The following NRG3 variants were observed in gnomAD, a reference collection of about 807,000 sequenced individuals.
NRG3 encodes neuregulin 3, also known as pro-neuregulin-3, membrane-bound isoform.
NRG3 carries 31 observed loss-of-function variants against 66.9 expected under a neutral mutation model. The observed-to-expected ratio is 0.46, with a 90% CI of 0.35 to 0.63. The LOEUF is 0.63. Among genes scored for constraint, NRG3 ranks in the 20% least tolerant of loss-of-function variants. The pLI is 0.00. For synonymous variants in NRG3, 393 were observed against 359.4 expected (o/e 1.09, Z -1.06); for missense variants, 910 against 878.9 (o/e 1.04, Z -0.45).
chr10:82,672,813 G>A (rs1435899168), intron 2 of NRG3, among the ~76,000 whole-genome samples: 1 of 152,150 alleles, frequency 6.6e-6, no homozygotes. Context: ...GCAGTGGCAC[G>A]ATCTCGGCTT....
chr10:82,687,257 A>T (rs1365226248), intron 2 of NRG3, among the ~76,000 whole-genome samples: 2 of 152,162 alleles, frequency 1.3e-5, no homozygotes, highest in African/African-American at 4.8e-5. Flanking sequence ...GCAGGCAGTC[A>T]TTTGACTGTC....
intron 1 of NRG3, among the ~76,000 whole-genome samples, chr10:82,344,030 A>C (rs2082830327): frequency 6.6e-6 from 1 of 151,914 alleles, no homozygotes; most frequent in South Asian, 2.1e-4. Context: ...GAAACACATA[A>C]ATTCTCATTT....
chr10:82,306,151 C>A (rs1185208304), intron 1 of NRG3, among the ~76,000 whole-genome samples: 1 of 152,050 alleles, frequency 6.6e-6, no homozygotes, highest in East Asian at 1.9e-4. Flanking sequence ...ATAAATAGAT[C>A]TTTGATTATT....
chr10:82,725,087 A>G (rs74443698), intron 2 of NRG3, among the ~76,000 whole-genome samples: 4,790 of 152,256 alleles, frequency 0.031, 272 homozygotes, highest in African/African-American at 0.11. Flanking sequence ...GCCCTCTGTT[A>G]CACGTCTGTA....
chr10:81,886,589 A>G (rs185941570), intron 1 of NRG3, among the ~76,000 whole-genome samples: 20 of 152,278 alleles, frequency 1.3e-4, no homozygotes, highest in African/African-American at 4.1e-4. Context: ...CATTATGGGT[A>G]TGGTTTTTCA....
chr10:82,583,548 T>A lies in NRG3; in HGVS notation c.954-155029T>A, dbSNP rs553760888. Among the ~76,000 whole-genome samples the A allele has an allele frequency of 1.3e-3, 194 of 152,358 alleles. 1 individual carries two copies. The highest frequency in any genetic ancestry group is 4.4e-3 in the African/African-American group (181 of 41,586). On this transcript the variant is annotated intron_variant, in intron 2 of 8. Coordinates refer to ENST00000372141, the MANE Select transcript of NRG3 (RefSeq NM_001010848.4). The stretch of plus-strand genomic sequence containing the variant: ...TTTGTCATAACTACTTGTAAACCTA[T>A]GTCTTCTAGTTTAGCTTTAAACATT...
intron 2 of NRG3, among the ~76,000 whole-genome samples, chr10:82,427,682 C>G (rs1386290187): frequency 6.6e-6 from 1 of 152,016 alleles, no homozygotes; most frequent in African/African-American, 2.4e-5. Context: ...CTTGTGAGGT[C>G]TTTCTTGCTT....
chr10:82,132,481 T>TATATATATCATATATATATATC (rs1564593369), intron 1 of NRG3, among the ~76,000 whole-genome samples: 421 of 7,292 alleles, frequency 0.058, 77 homozygotes, highest in Non-Finnish European at 0.1. Context: ...ATATATATGA[T>TATATATATCATATATATATATC]ATATATATAT....
intron 5 of NRG3, among the ~76,000 whole-genome samples, chr10:82,956,420 G>C (rs1463549354): frequency 6.6e-6 from 1 of 151,906 alleles, no homozygotes; most frequent in African/African-American, 2.4e-5. Flanking sequence ...AAAAAAGTGT[G>C]TGCTTGTGAG....
At chr10:81,941,027 A>G (rs1450392653) in intron 1 of NRG3, among the ~76,000 whole-genome samples, 2 of 152,182 alleles carry the variant, frequency 1.3e-5, no homozygotes, top group Middle Eastern at 3.2e-3. Flanking sequence ...TAAGAAGCAC[A>G]GTAAAAATAA....
At chr10:82,605,663 T>C (rs1206611694) in intron 2 of NRG3, among the ~76,000 whole-genome samples, 1 of 152,054 alleles carries the variant, frequency 6.6e-6, no homozygotes, top group Non-Finnish European at 1.5e-5. Flanking sequence ...AATTTATATT[T>C]CTTAAACTAG....
At chr10:82,741,357 T>G (rs1350471047) in intron 3 of NRG3, among the ~76,000 whole-genome samples, 1 of 152,162 alleles carries the variant, frequency 6.6e-6, no homozygotes, top group Non-Finnish European at 1.5e-5. Context: ...GTGTAACATT[T>G]ACCCTTTTCC....
intron 1 of NRG3, chr10:82,166,861 C>T (rs2072105641): frequency 4.7e-6 from 3 of 643,668 alleles, no homozygotes. Context: ...ATCTTCATTA[C>T]TGAAAGGTAT....
chr10:82,532,156 C>A (rs1436325378), intron 2 of NRG3, among the ~76,000 whole-genome samples: 2 of 151,790 alleles, frequency 1.3e-5, no homozygotes, highest in East Asian at 3.9e-4. Flanking sequence ...TTATTCTACT[C>A]TTTTAGTTAT....
chr10:82,377,444 G>T (rs1443875980), intron 2 of NRG3, among the ~76,000 whole-genome samples: 4 of 125,280 alleles, frequency 3.2e-5, no homozygotes, highest in Non-Finnish European at 4.7e-5. Context: ...GCGTGTGTGT[G>T]TGTGTGTGTG....
chr10:82,355,879 A>G (rs1211385642), intron 1 of NRG3, among the ~76,000 whole-genome samples: 1 of 152,326 alleles, frequency 6.6e-6, no homozygotes, highest in East Asian at 1.9e-4. Flanking sequence ...GAATGATCAT[A>G]CCCAATATTT....
chr10:82,972,220 T>C (rs948635720), intron 6 of NRG3, among the ~76,000 whole-genome samples: 16 of 152,150 alleles, frequency 1.1e-4, no homozygotes, highest in African/African-American at 3.9e-4. Context: ...GCTGTCTAAT[T>C]TCTAATACTT....
chr10:81,953,619 C>T (rs1018425480), intron 1 of NRG3, among the ~76,000 whole-genome samples: 6 of 152,100 alleles, frequency 3.9e-5, no homozygotes, highest in African/African-American at 1.4e-4. Flanking sequence ...GACTCCATTG[C>T]CTTTCTTCCC....
intron 1 of NRG3, among the ~76,000 whole-genome samples, chr10:82,263,507 G>A (rs982332506): frequency 6.6e-6 from 1 of 151,898 alleles, no homozygotes; most frequent in African/African-American, 2.4e-5. Flanking sequence ...CATTAATTTT[G>A]CTGAACTGAT....
Sources: allele counts gnomAD v4.1 joint callset (sites outside exome capture counted in the v4.1 genomes callset), GRCh38; gene constraint gnomAD v4.1.1; transcripts MANE v1.5; gene names NCBI Gene and HGNC (gene_info 2026-07-23, HGNC 2026-07-21).